The following PDE4D variants were observed in gnomAD, a reference collection of about 807,000 sequenced individuals.
PDE4D encodes the protein 3',5'-cyclic-AMP phosphodiesterase 4D.
In PDE4D, 24 loss-of-function variants were observed where a neutral mutation model predicts 87.4. That is an observed-to-expected ratio of 0.27 (90% CI 0.20 to 0.39). The LOEUF (loss-of-function observed/expected upper bound fraction) is 0.39, where lower values mean the gene tolerates loss of function less well. PDE4D is among the 10% of genes least tolerant of loss of function. The pLI is 1.00. For missense variants in PDE4D, 714 were observed against 1,041.0 expected (o/e 0.69, Z 4.32); for synonymous variants, 384 against 383.2 (o/e 1.00, Z -0.02).
At chr5:59,822,144 T>G (rs1355972105) in intron 1 of PDE4D, among the ~76,000 whole-genome samples, 2 of 152,228 alleles carry the variant, frequency 1.3e-5, no homozygotes, top group Non-Finnish European at 2.9e-5. Context: ...TATTTATATA[T>G]GATATAATAT....
intron 2 of PDE4D, among the ~76,000 whole-genome samples, chr5:60,020,293 G>T (rs1017840888): frequency 6.6e-6 from 1 of 152,080 alleles, no homozygotes; most frequent in East Asian, 1.9e-4. Context: ...CAAATATAAT[G>T]ATAATGAAAA....
At chr5:60,137,002 C>T (rs1257831536) in intron 2 of PDE4D, among the ~76,000 whole-genome samples, 1 of 152,040 alleles carries the variant, frequency 6.6e-6, no homozygotes, top group Non-Finnish European at 1.5e-5. Flanking sequence ...TGTATTGTTT[C>T]CCCACTCCCA....
intron 5 of PDE4D, chr5:59,157,313 C>G (rs958550704): frequency 2.8e-6 from 2 of 702,536 alleles, no homozygotes; most frequent in Non-Finnish European, 5.2e-6. Context: ...CAGGGTCACA[C>G]GTGTTTCACA....
At position 60,473,895 on chromosome 5, in the gene PDE4D, AG is replaced by A. The variant is rs535531786; in HGVS notation, c.-90+14046del. Among the ~76,000 whole-genome samples, 475 of 150,890 alleles carry A rather than the reference AG, an allele frequency of 3.1e-3. 3 individuals carry two copies. The highest frequency in any genetic ancestry group is 0.011 in the African/African-American group (436 of 41,070). ...CGCCCGCCGCATTATTCTGCTTCAA[AG>A]CCTTTGAAGAGGCTACTTCCTTTAC... is the stretch of plus-strand genomic sequence containing the variant. On this transcript the variant is annotated intron_variant, in intron 1 of 16. Transcript: ENST00000502484.
intron 1 of PDE4D, among the ~76,000 whole-genome samples, chr5:59,283,376 C>T (rs2153549399): frequency 6.6e-6 from 1 of 152,270 alleles, no homozygotes; most frequent in Non-Finnish European, 1.5e-5. Context: ...CTATTTTACA[C>T]ATCTAAGGTT....
chr5:60,135,395 T>C (rs929234341), intron 2 of PDE4D, among the ~76,000 whole-genome samples: 1 of 152,206 alleles, frequency 6.6e-6, no homozygotes, highest in Admixed American at 6.5e-5. Context: ...GTCTTTCTTT[T>C]CTTTCTGCCT....
intron 1 of PDE4D, among the ~76,000 whole-genome samples, chr5:59,373,931 A>T (rs184405104): frequency 2.5e-4 from 38 of 152,322 alleles, no homozygotes; most frequent in African/African-American, 8.9e-4. Context: ...CAAACTAAGC[A>T]TCATAAGTGA....
chr5:59,039,146 G>T lies in PDE4D; in HGVS notation c.809-175C>A, dbSNP rs552164530. 5.2e-6 allele frequency: 7 copies of T among 1,354,450 alleles called. No homozygotes were observed. In the African/African-American group the frequency reaches 9.1e-5, roughly 18 times the overall value. The allele number at this position is 1,354,450 out of a possible 1,614,324, so 83.9% of individuals were successfully genotyped here. A position where few individuals can be genotyped will look rare whatever the true frequency, so the allele number is the denominator to read the frequency against. The stretch of plus-strand genomic sequence containing the variant: ...GCAGTGCAACGGGGGCGGAGGCTGT[G>T]CTCGCGGGGCGGCCGGCCTCGGGGA... On this transcript the variant is annotated intron_variant, in intron 5 of 14. Coordinates refer to ENST00000340635, the MANE Select transcript of PDE4D (RefSeq NM_001104631.2).
intron 1 of PDE4D, among the ~76,000 whole-genome samples, chr5:59,384,769 G>GT (rs11447636): frequency 0.094 from 14,113 of 150,184 alleles, 739 homozygotes; most frequent in Middle Eastern, 0.16. Flanking sequence ...CTTATACTGG[G>GT]TTTTTTTTTC....
intron 1 of PDE4D, among the ~76,000 whole-genome samples, chr5:59,243,481 C>T (rs1306055993): frequency 2.4e-5 from 1 of 41,448 alleles, no homozygotes; most frequent in Non-Finnish European, 4.3e-5. Context: ...TTTTTTGAGA[C>T]GGAGTTTCTC....
chr5:59,406,276 A>G (rs531855582), intron 1 of PDE4D, among the ~76,000 whole-genome samples: 2 of 151,202 alleles, frequency 1.3e-5, no homozygotes, highest in African/African-American at 4.9e-5. Context: ...CTAGGAATTT[A>G]TCATTTTTTT....
intron 1 of PDE4D, among the ~76,000 whole-genome samples, chr5:59,478,895 A>G (rs2153655259): frequency 8.3e-6 from 1 of 120,142 alleles, no homozygotes; most frequent in East Asian, 2.1e-4. Flanking sequence ...TGAATTCTTC[A>G]TAAAATTTTC....
intron 1 of PDE4D, among the ~76,000 whole-genome samples, chr5:59,621,502 T>G (rs1412430538): frequency 6.6e-6 from 1 of 152,202 alleles, no homozygotes; most frequent in Non-Finnish European, 1.5e-5. Context: ...GGCCCCTAAA[T>G]GATGCTTCAG....
chr5:59,789,519 T>A, intron 1 of PDE4D, among the ~76,000 whole-genome samples: 1 of 152,354 alleles, frequency 6.6e-6, no homozygotes, highest in East Asian at 1.9e-4. Context: ...GGAAAAACAG[T>A]ATTACTTGGA....
intron 2 of PDE4D, among the ~76,000 whole-genome samples, chr5:60,032,440 A>G (rs76347688): frequency 0.029 from 4,412 of 152,080 alleles, 206 homozygotes; most frequent in African/African-American, 0.1. Context: ...AACACTTTCT[A>G]TTTTCTGAGC....
chr5:60,301,596 A>G (rs2149793047), intron 1 of PDE4D, among the ~76,000 whole-genome samples: 1 of 152,334 alleles, frequency 6.6e-6, no homozygotes, highest in South Asian at 2.1e-4. Flanking sequence ...CAGATTAAGA[A>G]GCTTTTGGGC....
At chr5:59,694,445 C>T (rs141542531) in intron 1 of PDE4D, among the ~76,000 whole-genome samples, 3 of 152,280 alleles carry the variant, frequency 2.0e-5, no homozygotes, top group African/African-American at 7.2e-5. Context: ...GAAGGCAAGA[C>T]ATTCATACTT....
At chr5:59,647,432 T>C (rs1742653027) in intron 1 of PDE4D, among the ~76,000 whole-genome samples, 1 of 150,138 alleles carries the variant, frequency 6.7e-6, no homozygotes, top group African/African-American at 2.5e-5. Context: ...ATTTTAAATA[T>C]ATTTTTGAAA....
intron 6 of PDE4D, among the ~76,000 whole-genome samples, chr5:59,022,049 A>C (rs140450437): frequency 2.6e-5 from 4 of 152,148 alleles, no homozygotes; most frequent in Non-Finnish European, 5.9e-5. Context: ...GCCAACTATT[A>C]GTGCTAAAAA....
Sources: gnomAD v4.1 joint callset for allele counts (sites outside exome capture counted in the v4.1 genomes callset) on GRCh38, gnomAD v4.1.1 for gene constraint, MANE v1.5 for transcripts, NCBI Gene and HGNC (gene_info 2026-07-23, HGNC 2026-07-21) for gene names.